PCNX2: variants seen among roughly 807,000 people sequenced by gnomAD.
PCNX2 encodes pecanex-like protein 2.
Under a neutral mutation model 223.8 loss-of-function variants are expected in PCNX2, and 168 were observed. The observed-to-expected ratio is 0.75, with a 90% CI of 0.66 to 0.85. The LOEUF is 0.85. Ranked by LOEUF, PCNX2 falls within the 40% of genes least tolerant of loss-of-function variation. The pLI, the probability that PCNX2 is intolerant of heterozygous loss-of-function variation, is 0.00. For synonymous variants in PCNX2, 1,006 were observed against 1,052.6 expected, an observed-to-expected ratio of 0.96 and a Z score of 0.86; for missense variants, 2,507 against 2,675.5, an observed-to-expected ratio of 0.94 and a Z score of 1.39.
At chr1:233,082,623 C>T (rs991575273) in intron 23 of PCNX2, among the ~76,000 whole-genome samples, 2 of 152,112 alleles carry the variant, frequency 1.3e-5, no homozygotes, top group African/African-American at 4.8e-5. Context: ...ACTATTAACC[C>T]ATAAGCCAGA....
intron 32 of PCNX2, among the ~76,000 whole-genome samples, chr1:232,995,301 G>C (rs1171391585): frequency 6.6e-6 from 1 of 152,154 alleles, no homozygotes; most frequent in African/African-American, 2.4e-5. Flanking sequence ...CAGAGCCTGG[G>C]ACAAACTCAG....
intron 1 of PCNX2, chr1:233,294,067 G>T: frequency 1.1e-6 from 1 of 872,572 alleles, no homozygotes; most frequent in Non-Finnish European, 1.4e-6. Context: ...ATTTTTCTGT[G>T]AAGTGGTGAT....
chr1:233,294,383 T>C (rs1661945702), intron 1 of PCNX2, among the ~76,000 whole-genome samples: 2 of 152,188 alleles, frequency 1.3e-5, no homozygotes, highest in South Asian at 2.1e-4. Context: ...CTAGGCATCA[T>C]GACTTCACAC....
chr1:233,136,566 C>G (rs1394971333), intron 20 of PCNX2, among the ~76,000 whole-genome samples: 2 of 152,158 alleles, frequency 1.3e-5, no homozygotes, highest in Non-Finnish European at 2.9e-5. Context: ...GAAAAACTAG[C>G]ACTTGATTCC....
At chr1:233,134,703 A>T (rs1027139293) in intron 21 of PCNX2, 2 of 418,120 alleles carry the variant, frequency 4.8e-6, no homozygotes, top group Non-Finnish European at 8.4e-6. Context: ...CTAATCTTTA[A>T]TTCATAGCAT....
At chr1:233,270,567 T>C (rs1204460605) in intron 1 of PCNX2, among the ~76,000 whole-genome samples, 1 of 152,166 alleles carries the variant, frequency 6.6e-6, no homozygotes, top group Non-Finnish European at 1.5e-5. Flanking sequence ...ATGAGGTAGA[T>C]GGAATCAAAA....
At chr1:233,261,436 G>T in intron 3 of PCNX2, 115 bp from the exon 4 acceptor site, 1 of 903,050 alleles carries the variant, frequency 1.1e-6, no homozygotes, top group Non-Finnish European at 1.8e-6. Flanking sequence ...GTAGGGGAGA[G>T]ACAATACAGT....
chr1:233,057,229 T>C lies in PCNX2; in HGVS notation c.4135+3A>G, dbSNP rs749738760. On this transcript the variant is annotated splice_donor_region_variant and intron_variant, in intron 24 of 33. Transcript: ENST00000258229. ...TTGAAAAAGAGAGAAGAGATCTTCT[T>C]ACCTGGATCTCTTTCAATTTGGACT... 16 of 1,595,584 alleles carry C rather than the reference T, an allele frequency of 1.0e-5. No homozygotes were observed. The highest frequency in any genetic ancestry group is 1.4e-5 in the Non-Finnish European group (16 of 1,165,506).
rs769881189 is a variant in PCNX2, at chr1:233,025,313, A to G, written c.4438T>C (p.Leu1480=). ...GCGTTGCAGGACAGCAGGTGAGGCA[A>G]GTGGCCTGGTTTGCAGCAGCAGCAG... ...RGCCCCKPGH[L]PHLLSCNAAF... is the part of the protein sequence containing the mutation. The change falls in exon 26 of 34, where the codon TTG becomes CTG. Residue 1480 remains leucine (L), a synonymous_variant. Coordinates refer to ENST00000258229, the MANE Select transcript of PCNX2 (RefSeq NM_014801.4). 10 of 1,614,032 alleles carry G rather than the reference A, an allele frequency of 6.2e-6. 1 individual carries two copies. Among genetic ancestry groups the G allele is most frequent in the Middle Eastern group, 1.6e-4 (1 of 6,062 alleles).
At chr1:233,274,130 C>T (rs1435549340) in intron 1 of PCNX2, among the ~76,000 whole-genome samples, 2 of 152,190 alleles carry the variant, frequency 1.3e-5, no homozygotes. Flanking sequence ...GTGCCTACTT[C>T]AATATAATAT....
rs188003943 is a variant in PCNX2, at chr1:233,169,232, A to T, written c.3274-7869T>A. On this transcript the variant is annotated intron_variant, in intron 17 of 33. Coordinates refer to ENST00000258229, the MANE Select transcript of PCNX2 (RefSeq NM_014801.4). ...TATGTTCTTAAATCTAACTCGGGGT[A>T]TTGTGTGTGTGTTATTTATTTTATG... Among the ~76,000 whole-genome samples, 267 of 152,150 alleles carry T rather than the reference A, an allele frequency of 1.8e-3. 1 individual carries two copies. The highest frequency in any genetic ancestry group is 3.4e-3 in the Middle Eastern group (1 of 292).
chr1:233,099,360 C>T (rs1279279913), intron 21 of PCNX2, among the ~76,000 whole-genome samples: 1 of 152,210 alleles, frequency 6.6e-6, no homozygotes, highest in Non-Finnish European at 1.5e-5. Flanking sequence ...AAAATTATGG[C>T]TGCAGCCACG....
At chr1:233,114,507 A>G (rs959833176) in intron 21 of PCNX2, among the ~76,000 whole-genome samples, 3 of 152,204 alleles carry the variant, frequency 2.0e-5, no homozygotes, top group Non-Finnish European at 4.4e-5. Flanking sequence ...TTTTGGGCAG[A>G]GAAGGTACAA....
chr1:233,325,234 T>C, the PCNX2 span, among the ~76,000 whole-genome samples: 1 of 152,002 alleles, frequency 6.6e-6, no homozygotes, highest in Non-Finnish European at 1.5e-5. Context: ...TGGGAGGAGA[T>C]CAAAATATCA....
Position 233,000,223 on chromosome 1 carries a change from C to T in PCNX2, c.5328+82G>A, listed in dbSNP as rs1369287105. ...GGCACAGAGACTCCTGTGTCAGTGCCCCCCTGCCCACCACCATTCTATTTC... is the reference window on the plus strand; with the variant it reads ...GGCACAGAGACTCCTGTGTCAGTGCTCCCCTGCCCACCACCATTCTATTTC... On this transcript the variant is annotated intron_variant, in intron 30 of 33. Transcript: ENST00000258229. This position sits in a 1 kb window ranked among gnomAD's most constrained non-coding sequence, Gnocchi z 4.6. The T allele has an allele frequency of 3.8e-6, 5 of 1,329,268 alleles. No individual in the cohort carries two copies. Among genetic ancestry groups the T allele is most frequent in the Non-Finnish European group, 5.4e-6 (5 of 923,500 alleles). The allele number at this position is 1,329,268 out of a possible 1,614,324, so 82.3% of individuals were successfully genotyped here.
intron 13 of PCNX2, among the ~76,000 whole-genome samples, chr1:233,206,739 G>A (rs1236947672): frequency 3.9e-5 from 6 of 152,096 alleles, no homozygotes; most frequent in Admixed American, 6.6e-5. Context: ...AGCTATTCTG[G>A]CCAGGCACGG....
chr1:233,160,142 TAC>T, intron 19 of PCNX2, 139 bp downstream of exon 19: 1 of 875,368 alleles, frequency 1.1e-6, no homozygotes, highest in Non-Finnish European at 1.7e-6. Flanking sequence ...TGTGGTAAAA[TAC>T]ACATAATGTA....
intron 1 of PCNX2, among the ~76,000 whole-genome samples, chr1:233,292,744 C>T (rs756139396): frequency 0.01 from 1,572 of 152,174 alleles, 38 homozygotes; most frequent in African/African-American, 0.036. Flanking sequence ...GGGAAGAGGG[C>T]CTTTTATTTC....
chr1:233,240,722 C>T lies in PCNX2; in HGVS notation c.2223-3742G>A, dbSNP rs186218611. Among the ~76,000 whole-genome samples the T allele has an allele frequency of 2.1e-3, 324 of 152,244 alleles. 1 individual carries two copies. Among genetic ancestry groups the T allele is most frequent in the Middle Eastern group, 0.017 (5 of 294 alleles). Reference sequence around the variant, plus strand: ...TGCTGCCACTAGAAGGTAATAAAGACGGGCCTGGGGCTAGGATCTAGTCTG... The same window carrying T: ...TGCTGCCACTAGAAGGTAATAAAGATGGGCCTGGGGCTAGGATCTAGTCTG... On this transcript the variant is annotated intron_variant, in intron 8 of 33. Coordinates refer to ENST00000258229, the MANE Select transcript of PCNX2 (RefSeq NM_014801.4).
Sources: gnomAD v4.1 joint callset for allele counts (sites outside exome capture counted in the v4.1 genomes callset) on GRCh38, gnomAD v4.1.1 for gene constraint, Gnocchi (gnomAD v3.1) non-coding constraint, MANE v1.5 for transcripts, NCBI Gene and HGNC (gene_info 2026-07-23, HGNC 2026-07-21) for gene names.